Variants in PLPPR1 observed in about 807,000 individuals in gnomAD.
PLPPR1 encodes phospholipid phosphatase related 1.
In PLPPR1, 10 loss-of-function variants were observed where a neutral mutation model predicts 33.1. The observed-to-expected ratio is 0.30, with a 90% confidence interval of 0.19 to 0.51. The LOEUF (loss-of-function observed/expected upper bound fraction) is 0.51, where lower values mean the gene tolerates loss of function less well. Ranked by LOEUF, PLPPR1 falls within the 20% of genes least tolerant of loss-of-function variation. The pLI, the probability that PLPPR1 is intolerant of heterozygous loss-of-function variation, is 0.97. For missense variants in PLPPR1, 304 were observed against 408.1 expected (o/e 0.74, Z 2.20); for synonymous variants, 151 against 151.0 (o/e 1.00, Z 0.00).
At chr9:101,298,224 CTT>C (rs986706732) in intron 4 of PLPPR1, among the ~76,000 whole-genome samples, 2 of 152,100 alleles carry the variant, frequency 1.3e-5, no homozygotes, top group East Asian at 1.9e-4. Context: ...TCATTATAGT[CTT>C]TTCATTTGGG....
rs749236081 is a variant in PLPPR1, at chr9:101,094,282, A to G, written c.-46+65180A>G. ...TTCCTCTATAGCTCGCATTTTTTCT[A>G]TTCTCTGTATAGTATCTTTGGCTCC... On this transcript the variant is annotated intron_variant, in intron 1 of 7. Transcript: ENST00000374874. 5.9e-5 allele frequency among the ~76,000 whole-genome samples: 9 copies of G among 151,876 alleles called. No homozygotes were observed. In the South Asian group the frequency reaches 6.2e-4, roughly 11 times the overall value.
At chr9:101,083,500 A>G (rs528099267) in intron 1 of PLPPR1, among the ~76,000 whole-genome samples, 1 of 152,302 alleles carries the variant, frequency 6.6e-6, no homozygotes, top group East Asian at 1.9e-4. Flanking sequence ...ATAAAGGAGC[A>G]GGAGCCTCTT....
At chr9:101,291,282 C>T (rs1278137030) in intron 4 of PLPPR1, among the ~76,000 whole-genome samples, 20 of 152,212 alleles carry the variant, frequency 1.3e-4, no homozygotes, top group African/African-American at 1.7e-4. Context: ...ACAAAGCAGC[C>T]GGGAAGCTCG....
At chr9:101,291,051 CG>C (rs1193730659) in intron 4 of PLPPR1, among the ~76,000 whole-genome samples, 9 of 152,122 alleles carry the variant, frequency 5.9e-5, no homozygotes, top group African/African-American at 2.2e-4. Flanking sequence ...GGGTGAAAGA[CG>C]GCACCTGGAA....
intron 2 of PLPPR1, among the ~76,000 whole-genome samples, chr9:101,215,052 A>G (rs1826762718): frequency 6.6e-6 from 1 of 151,914 alleles, no homozygotes; most frequent in African/African-American, 2.4e-5. Flanking sequence ...AAAGAAAAGA[A>G]AAAAGCTAAA....
intron 1 of PLPPR1, among the ~76,000 whole-genome samples, chr9:101,137,170 T>TGTTC: frequency 6.6e-6 from 1 of 152,316 alleles, no homozygotes; most frequent in East Asian, 1.9e-4. Flanking sequence ...TCACTGAGCC[T>TGTTC]GTTCCTTAAG....
Position 101,053,171 on chromosome 9 carries a change from A to G in PLPPR1, c.-46+24069A>G, listed in dbSNP as rs566542109. Among the ~76,000 whole-genome samples the G allele has an allele frequency of 4.6e-5, 7 of 152,294 alleles. No homozygotes were observed. In the East Asian group the frequency reaches 1.2e-3, roughly 25 times the overall value. Reference sequence around the variant, plus strand: ...GTAAAAATATTTACCTTCCCTCACAAAAAATGCCTACGCTTCCCATTTCAG... The same window carrying G: ...GTAAAAATATTTACCTTCCCTCACAGAAAATGCCTACGCTTCCCATTTCAG... On this transcript the variant is annotated intron_variant, in intron 1 of 7. Transcript: ENST00000374874.
At chr9:101,064,099 A>C (rs1830378703) in intron 1 of PLPPR1, among the ~76,000 whole-genome samples, 1 of 152,126 alleles carries the variant, frequency 6.6e-6, no homozygotes, top group African/African-American at 2.4e-5. Context: ...TTCTATAGAC[A>C]GGTTTGACAA....
intron 2 of PLPPR1, among the ~76,000 whole-genome samples, chr9:101,230,019 A>G (rs576682284): frequency 3.3e-4 from 50 of 152,200 alleles, no homozygotes; most frequent in African/African-American, 1.2e-3. Flanking sequence ...TCAGTTCTCC[A>G]TGTCACACTG....
intron 4 of PLPPR1, among the ~76,000 whole-genome samples, 181 bp from the exon 5 acceptor site, chr9:101,309,030 A>C (rs1415625784): frequency 1.3e-5 from 2 of 152,202 alleles, no homozygotes; most frequent in African/African-American, 4.8e-5. Context: ...TAGAATGTCT[A>C]CATCAATTTG....
rs566788353 is a variant in PLPPR1, at chr9:101,063,421, G to A, written c.-46+34319G>A. Among the ~76,000 whole-genome samples, 4 of 152,132 alleles carry A rather than the reference G, an allele frequency of 2.6e-5. No homozygotes were observed. In the South Asian group the frequency reaches 8.3e-4, roughly 31 times the overall value. On this transcript the variant is annotated intron_variant, in intron 1 of 7. Transcript: ENST00000374874. ...GGTTGTGAGTACCCTTCTAGTGGTG[G>A]CACTTCCACCCACATGCTATTGGCC...
chr9:101,258,891 C>A (rs1278726868), intron 2 of PLPPR1, among the ~76,000 whole-genome samples: 1 of 152,124 alleles, frequency 6.6e-6, no homozygotes, highest in Non-Finnish European at 1.5e-5. Flanking sequence ...ATCTTGCTTT[C>A]TCTGATATTA....
chr9:101,093,037 T>G lies in PLPPR1; in HGVS notation c.-46+63935T>G, dbSNP rs116933772. ...TTCCAGCTTCCAGAGAAATAAATGT[T>G]GTTTAAGCTACTGCTACCGAGCCTA... On this transcript the variant is annotated intron_variant, in intron 1 of 7. Transcript: ENST00000374874. 4.2e-3 allele frequency among the ~76,000 whole-genome samples: 637 copies of G among 152,316 alleles called. 14 individuals are homozygous for G. In the East Asian group the frequency reaches 0.043, roughly 10 times the overall value.
intron 2 of PLPPR1, among the ~76,000 whole-genome samples, chr9:101,220,004 G>A (rs1043091368): frequency 2.0e-5 from 3 of 152,168 alleles, no homozygotes; most frequent in South Asian, 4.1e-4. Context: ...CTCAACTGGA[G>A]CACTTCACTG....
chr9:101,132,269 G>A (rs1418526767), intron 1 of PLPPR1, among the ~76,000 whole-genome samples: 2 of 152,126 alleles, frequency 1.3e-5, no homozygotes, highest in Admixed American at 6.5e-5. Flanking sequence ...GTATGCCTAC[G>A]ATACTTGAGT....
intron 2 of PLPPR1, among the ~76,000 whole-genome samples, chr9:101,227,131 A>G (rs1375048677): frequency 6.6e-6 from 1 of 152,144 alleles, no homozygotes; most frequent in Non-Finnish European, 1.5e-5. Context: ...TAACCAGTAT[A>G]GATCAGCACC....
At chr9:101,292,889 G>T (rs947171643) in intron 4 of PLPPR1, among the ~76,000 whole-genome samples, 5 of 151,872 alleles carry the variant, frequency 3.3e-5, no homozygotes, top group African/African-American at 1.2e-4. Flanking sequence ...GGAAGAAACT[G>T]CATCAACTAA....
chr9:101,311,364 T>G (rs924054294), intron 5 of PLPPR1, among the ~76,000 whole-genome samples: 1 of 152,222 alleles, frequency 6.6e-6, no homozygotes, highest in South Asian at 2.1e-4. Context: ...ATAAATCTTC[T>G]GAGCCGCTAT....
intron 4 of PLPPR1, among the ~76,000 whole-genome samples, chr9:101,305,480 T>C (rs1828841723): frequency 1.3e-5 from 2 of 152,154 alleles, no homozygotes; most frequent in African/African-American, 2.4e-5. Context: ...TATGCAACAT[T>C]TGGCCTTCAG....
Sources: gnomAD v4.1 joint callset for allele counts (sites outside exome capture counted in the v4.1 genomes callset) on GRCh38, gnomAD v4.1.1 for gene constraint, MANE v1.5 for transcripts, NCBI Gene and HGNC (gene_info 2026-07-23, HGNC 2026-07-21) for gene names.